DLD: variants seen among roughly 807,000 people sequenced by gnomAD.
DLD encodes the protein dihydrolipoamide dehydrogenase.
A neutral mutation model predicts 62.2 loss-of-function variants in DLD; 36 were observed. The observed-to-expected ratio is 0.58, with a 90% CI of 0.44 to 0.76. The LOEUF is 0.76. Among genes scored for constraint, DLD ranks in the 30% least tolerant of loss-of-function variants. The pLI is 0.00. For synonymous variants in DLD, 204 were observed against 199.6 expected (o/e 1.02, Z -0.19); for missense variants, 541 against 608.6 (o/e 0.89, Z 1.17).
At chr7:107,907,219 G>A (rs2032030235) in intron 8 of DLD, among the ~76,000 whole-genome samples, 1 of 152,150 alleles carries the variant, frequency 6.6e-6, no homozygotes, top group Non-Finnish European at 1.5e-5. Flanking sequence ...GAATGCAGCA[G>A]TCTGCCTTTT....
At chr7:107,918,894 A>T in intron 12 of DLD, 116 bp from the exon 13 acceptor site, 1 of 858,250 alleles carries the variant, frequency 1.2e-6, no homozygotes, top group Non-Finnish European at 1.9e-6. Flanking sequence ...TTCAACTGAT[A>T]AAGAAACAGA....
At chr7:107,906,957 C>T (rs142443972) in intron 8 of DLD, among the ~76,000 whole-genome samples, 1 of 152,140 alleles carries the variant, frequency 6.6e-6, no homozygotes, top group African/African-American at 2.4e-5. Context: ...ATAATAAATT[C>T]AGATATTTTA....
intron 8 of DLD, among the ~76,000 whole-genome samples, chr7:107,913,875 A>C (rs1354399913): frequency 1.3e-5 from 2 of 151,992 alleles, no homozygotes; most frequent in African/African-American, 4.8e-5. Flanking sequence ...AGTTTGTCTT[A>C]TTATTTTGAG....
chr7:107,903,588 T>C (rs1224640447), intron 5 of DLD, 41 bp downstream of exon 5: 1 of 1,213,366 alleles, frequency 8.2e-7, no homozygotes, highest in Non-Finnish European at 1.2e-6. Context: ...ACCAGACTGC[T>C]TGACTTGGCT....
intron 2 of DLD, among the ~76,000 whole-genome samples, chr7:107,894,819 T>C (rs1470776339): frequency 1.3e-5 from 2 of 152,222 alleles, no homozygotes; most frequent in Non-Finnish European, 2.9e-5. Context: ...GTAAAGTGTG[T>C]AAAAGCTTTG....
chr7:107,893,988 T>A (rs1398267777), intron 2 of DLD, among the ~76,000 whole-genome samples: 2 of 152,214 alleles, frequency 1.3e-5, no homozygotes, highest in African/African-American at 4.8e-5. Context: ...TTTCTTGACA[T>A]CCTGAATGAA....
chr7:107,905,309 A>G, intron 6 of DLD, 52 bp from the exon 7 acceptor site: 1 of 1,547,086 alleles, frequency 6.5e-7, no homozygotes, highest in Non-Finnish European at 8.9e-7. Context: ...TGAATGATTT[A>G]TCAAACAAAT....
intron 8 of DLD, among the ~76,000 whole-genome samples, chr7:107,912,603 A>G (rs543619495): frequency 6.6e-6 from 1 of 152,134 alleles, no homozygotes; most frequent in Non-Finnish European, 1.5e-5. Flanking sequence ...TTTTTCATAC[A>G]TGTATTGGCT....
rs371807385 is a variant in DLD, at chr7:107,916,862, G to A, written c.944G>A (p.Arg315Gln). The change falls in exon 10 of 14, where the codon CGA becomes CAA. Residue 315 changes from arginine (R) to glutamine (Q), a missense_variant. Transcript: ENST00000205402. ...GATGTACTCTTGGTTTGCATTGGCC[G>A]ACGACCCTTTACTAAGAATTTGGGA... ...TCDVLLVCIG[R>Q]RPFTKNLGLE... 3.7e-6 allele frequency: 6 copies of A among 1,613,170 alleles called. No individual in the cohort carries two copies. The highest frequency in any genetic ancestry group is 4.5e-5 in the East Asian group (2 of 44,860).
rs113119858 is a variant in DLD, at chr7:107,914,012, G to A, written c.685-1494G>A. ...TTTTTGTTCTTGGTTCTGTTAATGT[G>A]ATGAATCATGTTTATTGATTTACAT... On this transcript the variant is annotated intron_variant, in intron 8 of 13. Transcript: ENST00000205402. 4.1e-3 allele frequency among the ~76,000 whole-genome samples: 624 copies of A among 152,238 alleles called. 2 individuals carry two copies. Among genetic ancestry groups the A allele is most frequent in the African/African-American group, 0.014 (579 of 41,554 alleles).
intron 1 of DLD, 148 bp downstream of exon 1, chr7:107,891,437 C>G (rs1353846995): frequency 5.7e-6 from 5 of 880,410 alleles, no homozygotes; most frequent in East Asian, 5.3e-5. Context: ...ACTGGCTCAG[C>G]CCGGCCCTGG....
At chr7:107,913,725 T>C (rs1701914064) in intron 8 of DLD, among the ~76,000 whole-genome samples, 1 of 152,152 alleles carries the variant, frequency 6.6e-6, no homozygotes, top group African/African-American at 2.4e-5. Flanking sequence ...CCTTTGTTTC[T>C]TTCTCCTCTA....
chr7:107,910,031 A>G lies in DLD; in HGVS notation c.684+3663A>G, dbSNP rs931252212. Among the ~76,000 whole-genome samples, 3 of 151,378 alleles carry G rather than the reference A, an allele frequency of 2.0e-5. No individual in the cohort carries two copies. The East Asian group carries it at 5.9e-4, about 30-fold the overall frequency. On this transcript the variant is annotated intron_variant, in intron 8 of 13. Coordinates refer to ENST00000205402, the MANE Select transcript of DLD (RefSeq NM_000108.5). ...CCATACCCAGATAATTTTTCTTTGT[A>G]TTTTTAGTAGGGACGGGGTTTCACC...
chr7:107,904,651 C>T (rs1200016900), intron 5 of DLD: 4 of 487,284 alleles, frequency 8.2e-6, no homozygotes, highest in East Asian at 5.8e-5. Flanking sequence ...TTTCTACTTA[C>T]ATATCTTCCA....
At chr7:107,891,445 T>C in intron 1 of DLD, 156 bp downstream of exon 1, 1 of 820,926 alleles carries the variant, frequency 1.2e-6, no homozygotes, top group Non-Finnish European at 2.0e-6. Flanking sequence ...AGCCCGGCCC[T>C]GGGCTCCGAG....
chr7:107,901,775 A>C lies in DLD; in HGVS notation c.156A>C (p.Gly52=). ...TAACAGTTATAGGTTCTGGTCCTGG[A>C]GGATATGTTGCTGCTATTAAAGCTG... ...ADVTVIGSGP[G]GYVAAIKAAQ... is the part of the protein sequence containing the mutation. The change falls in exon 3 of 14, where the codon GGA becomes GGC. Residue 52 remains glycine, a synonymous_variant. Coordinates refer to ENST00000205402, the MANE Select transcript of DLD (RefSeq NM_000108.5). The C allele has an allele frequency of 1.9e-6, 3 of 1,613,676 alleles. No individual in the cohort carries two copies. Among genetic ancestry groups the C allele is most frequent in the Non-Finnish European group, 1.7e-6 (2 of 1,179,700 alleles).
chr7:107,908,064 T>G (rs2032049727), intron 8 of DLD, among the ~76,000 whole-genome samples: 1 of 152,222 alleles, frequency 6.6e-6, no homozygotes. Context: ...ATTCTTCCAT[T>G]TTTACATCTG....
chr7:107,917,567 G>A (rs2032300005), intron 11 of DLD, 105 bp downstream of exon 11: 1 of 1,116,370 alleles, frequency 9.0e-7, no homozygotes, highest in Non-Finnish European at 1.4e-6. Flanking sequence ...TTTAACAGCT[G>A]TGAAATATTG....
chr7:107,916,086 A>G (rs1307674466), intron 9 of DLD, among the ~76,000 whole-genome samples: 1 of 152,200 alleles, frequency 6.6e-6, no homozygotes, highest in African/African-American at 2.4e-5. Context: ...TAGTTTTTAA[A>G]TAAATATTTA....
Sources: gnomAD v4.1 joint callset for allele counts (sites outside exome capture counted in the v4.1 genomes callset) on GRCh38, gnomAD v4.1.1 for gene constraint, MANE v1.5 for transcripts, NCBI Gene and HGNC (gene_info 2026-07-23, HGNC 2026-07-21) for gene names.